The following GEMIN5 variants were observed in gnomAD, a reference collection of about 807,000 sequenced individuals.
GEMIN5 encodes gem nuclear organelle associated protein 5, also known as gem-associated protein 5.
Under a neutral mutation model 176.9 loss-of-function variants are expected in GEMIN5, and 124 were observed. The observed-to-expected ratio is 0.70, with a 90% confidence interval of 0.61 to 0.81. The LOEUF (loss-of-function observed/expected upper bound fraction) is 0.81. GEMIN5 is among the 40% of genes least tolerant of loss of function. The pLI is 0.00. For missense variants in GEMIN5, 1,843 were observed against 1,814.6 expected (o/e 1.02, Z -0.28); for synonymous variants, 673 against 665.2 (o/e 1.01, Z -0.18).
At position 154,898,466 on chromosome 5, in the gene GEMIN5, C is replaced by T. The variant is rs747630343; in HGVS notation, c.3319G>A (p.Ala1107Thr). 1.9e-5 allele frequency: 31 copies of T among 1,613,918 alleles called. No individual in the cohort carries two copies. The highest frequency in any genetic ancestry group is 9.9e-5 in the South Asian group (9 of 91,088). ...LANNWVGAQE[A>T]LQLHESLQGQ... is the part of the protein sequence containing the mutation. ...TGTAGACTTTCATGCAGCTGCAGGG[C>T]TTCCTGGGCTCCCACCCAGTTGTTG... is the stretch of plus-strand genomic sequence containing the variant. Residue 1107 changes from alanine to threonine, a missense_variant, in exon 23 of 28, where the codon GCC becomes ACC. Transcript: ENST00000285873.
At position 154,891,694 on chromosome 5, in the gene GEMIN5, G is replaced by A. The variant is rs200552475; in HGVS notation, c.3809C>T (p.Thr1270Ile). 137 of 1,610,610 alleles carry A rather than the reference G, an allele frequency of 8.5e-5. 1 individual carries two copies. In the East Asian group the frequency reaches 2.9e-3, roughly 34 times the overall value. The change falls in exon 26 of 28, where the codon ACA becomes ATA. Residue 1270 changes from threonine to isoleucine, a missense_variant. Physicochemically the swap from Thr to Ile is moderately conservative, Grantham distance 89 (BLOSUM62 -1). Coordinates refer to ENST00000285873, the MANE Select transcript of GEMIN5 (RefSeq NM_015465.5). ...GGCCTCCAAACTTTTGAAAGCTGGTGTGGCAGGGGATTGATGGTCCCCCAA... is the reference window on the plus strand; with the variant it reads ...GGCCTCCAAACTTTTGAAAGCTGGTATGGCAGGGGATTGATGGTCCCCCAA... Reference protein sequence around the residue: ...DKLGDHQSPATPAFKSLEAFF... With the variant: ...DKLGDHQSPAIPAFKSLEAFF...
Position 154,904,496 on chromosome 5 carries a change from C to T in GEMIN5, c.2632+11G>A, listed in dbSNP as rs745977782. 9.9e-6 allele frequency: 16 copies of T among 1,612,704 alleles called. No individual in the cohort carries two copies. In the South Asian group the frequency reaches 1.8e-4, roughly 18 times the overall value. ...AGACTATGGATGGGCCAAGGAAGTA[C>T]ATTTTTGTACCTCTGGAGTGCTTTG... On this transcript the variant is annotated intron_variant, in intron 18 of 27. Transcript: ENST00000285873.
intron 9 of GEMIN5, among the ~76,000 whole-genome samples, chr5:154,924,254 C>T (rs1246606427): frequency 1.3e-5 from 2 of 151,990 alleles, no homozygotes; most frequent in Non-Finnish European, 2.9e-5. Context: ...CTAGTTCATA[C>T]GAAACATAGG....
At chr5:154,927,084 T>C (rs1010486530) in intron 7 of GEMIN5, among the ~76,000 whole-genome samples, 1 of 151,498 alleles carries the variant, frequency 6.6e-6, no homozygotes, top group Non-Finnish European at 1.5e-5. Context: ...TAACAACAGC[T>C]GATGAACTTA....
chr5:154,899,424 A>C, intron 21 of GEMIN5, 114 bp from the exon 22 acceptor site: 2 of 891,892 alleles, frequency 2.2e-6, no homozygotes, highest in Non-Finnish European at 3.2e-6. Flanking sequence ...TATTGTTCCA[A>C]CTTCCTTTAA....
intron 8 of GEMIN5, among the ~76,000 whole-genome samples, chr5:154,925,406 AAAAG>A (rs1276049903): frequency 6.6e-6 from 1 of 152,222 alleles, no homozygotes; most frequent in Non-Finnish European, 1.5e-5. Context: ...TTCAATAGCC[AAAAG>A]AAAGGTATCA....
intron 16 of GEMIN5, among the ~76,000 whole-genome samples, chr5:154,906,241 T>C (rs1763565946): frequency 1.3e-5 from 2 of 151,732 alleles, no homozygotes; most frequent in South Asian, 4.2e-4. Context: ...AGCAAGTCTC[T>C]TTCCTTGGCC....
intron 2 of GEMIN5, among the ~76,000 whole-genome samples, chr5:154,936,343 G>A (rs1299149898): frequency 3.0e-5 from 1 of 32,862 alleles, no homozygotes; most frequent in Non-Finnish European, 7.0e-5. Context: ...CGTCAACCCA[G>A]GAGGCGGAGC....
intron 1 of GEMIN5, among the ~76,000 whole-genome samples, 180 bp from the exon 2 acceptor site, chr5:154,937,365 G>A (rs191450483): frequency 1.8e-3 from 267 of 152,320 alleles, no homozygotes; most frequent in Non-Finnish European, 2.9e-3. Context: ...TGTGCCACGT[G>A]ACTTCGAACA....
chr5:154,921,291 A>T (rs750989768), intron 10 of GEMIN5, 52 bp downstream of exon 10: 9 of 850,998 alleles, frequency 1.1e-5, no homozygotes, highest in Non-Finnish European at 1.8e-5. Context: ...TTTAGGATTA[A>T]ACTGAAGGAA....
Position 154,898,423 on chromosome 5 carries a change from T to A in GEMIN5, c.3345+17A>T. On this transcript the variant is annotated intron_variant, in intron 23 of 27. Coordinates refer to ENST00000285873, the MANE Select transcript of GEMIN5 (RefSeq NM_015465.5). ...CACTTCCCTCTTGTATACTAGGAGA[T>A]GAAATAACAGACTGACCTGTAGACT... is the stretch of plus-strand genomic sequence containing the variant. The A allele has an allele frequency of 1.9e-6, 3 of 1,597,258 alleles. No homozygotes were observed. The highest frequency in any genetic ancestry group is 2.6e-6 in the Non-Finnish European group (3 of 1,164,700).
intron 10 of GEMIN5, 125 bp downstream of exon 10, chr5:154,921,218 A>C: frequency 4.7e-6 from 3 of 632,380 alleles, no homozygotes; most frequent in Non-Finnish European, 8.4e-6. Context: ...CCCTGGGGAC[A>C]TAAGTAGCCC....
In GEMIN5 at chr5:154,907,668, A is replaced by G. The variant is rs1200005255; in HGVS notation, c.2318T>C (p.Val773Ala). 9 of 1,614,062 alleles carry G rather than the reference A, an allele frequency of 5.6e-6. No individual in the cohort carries two copies. The highest frequency in any genetic ancestry group is 6.8e-6 in the Non-Finnish European group (8 of 1,179,996). ...EESMKENSGP[V>A]ENGVSDQEGE... is the part of the protein sequence containing the mutation. The stretch of plus-strand genomic sequence containing the variant: ...TTCTTGGTCTGACACACCATTCTCA[A>G]CAGGTCCTGAGTTCTCCTTCATGCT... Residue 773 changes from valine to alanine, a missense_variant, in exon 16 of 28, where the codon GTT becomes GCT. Coordinates refer to ENST00000285873, the MANE Select transcript of GEMIN5 (RefSeq NM_015465.5).
intron 15 of GEMIN5, among the ~76,000 whole-genome samples, chr5:154,911,068 C>T (rs185396758): frequency 4.7e-4 from 72 of 152,258 alleles, no homozygotes; most frequent in African/African-American, 1.7e-3. Flanking sequence ...TTTCTTTTGT[C>T]CTTTTGACAT....
chr5:154,925,961 A>C lies in GEMIN5; in HGVS notation c.1194T>G (p.Gly398=), dbSNP rs899159566. ...ATACACGGATCATGCCATCCCCAACACCTATGGCCAAAGAGCCTATGTCCA... is the reference window on the plus strand; with the variant it reads ...ATACACGGATCATGCCATCCCCAACCCCTATGGCCAAAGAGCCTATGTCCA... ...SSVDIGSLAI[G]VGDGMIRVWN... The change falls in exon 8 of 28, where the codon GGT becomes GGG. Residue 398 remains glycine (G), a synonymous_variant. Coordinates refer to ENST00000285873, the MANE Select transcript of GEMIN5 (RefSeq NM_015465.5). 1 of 1,611,802 alleles carries C rather than the reference A, an allele frequency of 6.2e-7. No homozygotes were observed. Among genetic ancestry groups the C allele is most frequent in the Non-Finnish European group, 8.5e-7 (1 of 1,177,912 alleles).
In GEMIN5 at chr5:154,938,090, T is replaced by TACC; in HGVS notation, c.41_43dup (p.Trp14dup). 1 of 1,483,696 alleles carries TACC rather than the reference T, an allele frequency of 6.7e-7. No homozygotes were observed. 91.9% of individuals were successfully genotyped at this position (1,483,696 alleles called of 1,614,324 possible). A position where few individuals can be genotyped will look rare whatever the true frequency, so the allele number is the denominator to read the frequency against. On this transcript the variant is annotated inframe_insertion, in exon 1 of 28. Coordinates refer to ENST00000285873, the MANE Select transcript of GEMIN5 (RefSeq NM_015465.5). Reference sequence around the variant, plus strand: ...CACGGCATCGCTGCAGCGGGCGCAGTACCAGTTGGGGGAGGGCGGCAGCGT... The same window carrying TACC: ...CACGGCATCGCTGCAGCGGGCGCAGTACCACCAGTTGGGGGAGGGCGGCAGCGT...
In GEMIN5 at chr5:154,898,493, C is replaced by G; in HGVS notation, c.3292G>C (p.Ala1098Pro). 1 of 1,614,146 alleles carries G rather than the reference C, an allele frequency of 6.2e-7. No individual in the cohort carries two copies. The highest frequency in any genetic ancestry group is 8.5e-7 in the Non-Finnish European group (1 of 1,180,022). ...TCCTGGGCTCCCACCCAGTTGTTGG[C>G]CAGAAGCAGCTCTTGGGCACATCTG... ...ALRCAQELLL[A>P]NNWVGAQEAL... Residue 1098 changes from alanine to proline, a missense_variant, in exon 23 of 28, where the codon GCC (alanine) becomes CCC (proline). By Grantham distance (27) the Ala-to-Pro change is conservative. Coordinates refer to ENST00000285873, the MANE Select transcript of GEMIN5 (RefSeq NM_015465.5).
Position 154,891,596 on chromosome 5 carries a change from C to T in GEMIN5, c.3907G>A (p.Val1303Ile). The change falls in exon 26 of 28, where the codon GTA becomes ATA. Residue 1303 changes from valine (V) to isoleucine (I), a missense_variant. Transcript: ENST00000285873. ...GAGAGTGTTCTGTGACCAGCCCTTA[C>T]CCAGACACTGGAATTTGGGCAAGGT... is the stretch of plus-strand genomic sequence containing the variant. Reference protein sequence around the residue: ...SRPCPNSSVWVRAGHRTLSVE... With the variant: ...SRPCPNSSVWIRAGHRTLSVE... 2 of 1,614,122 alleles carry T rather than the reference C, an allele frequency of 1.2e-6. No homozygotes were observed. The highest frequency in any genetic ancestry group is 2.2e-5 in the East Asian group (1 of 44,880).
At chr5:154,932,762 C>T (rs1764194635) in intron 3 of GEMIN5, among the ~76,000 whole-genome samples, 1 of 152,066 alleles carries the variant, frequency 6.6e-6, no homozygotes, top group Admixed American at 6.6e-5. Flanking sequence ...TGAGGTTTCA[C>T]CATGTTGCTC....
Sources: gnomAD v4.1 joint callset for allele counts (sites outside exome capture counted in the v4.1 genomes callset) on GRCh38, gnomAD v4.1.1 for gene constraint, MANE v1.5 for transcripts, NCBI Gene and HGNC (gene_info 2026-07-23, HGNC 2026-07-21) for gene names.